The following PLD5 variants were observed in gnomAD, a reference collection of about 807,000 sequenced individuals.
PLD5 encodes inactive phospholipase D5.
A neutral mutation model predicts 61.1 loss-of-function variants in PLD5; 36 were observed. The ratio of observed to expected loss-of-function variants is 0.59; its 90% CI spans 0.45 to 0.78. The LOEUF is 0.78. Ranked by LOEUF, PLD5 falls within the 30% of genes least tolerant of loss-of-function variation. PLD5 has a pLI of 0.00. For missense variants in PLD5, 515 were observed against 644.4 expected (o/e 0.80, Z 2.17); for synonymous variants, 243 against 242.8 (o/e 1.00, Z -0.01).
chr1:242,484,124 A>G (rs1374655935), intron 1 of PLD5, among the ~76,000 whole-genome samples: 1 of 152,232 alleles, frequency 6.6e-6, no homozygotes, highest in African/African-American at 2.4e-5. Flanking sequence ...TCCAAAATTG[A>G]CACCCTAACA....
intron 1 of PLD5, among the ~76,000 whole-genome samples, chr1:242,462,006 C>T (rs2102938291): frequency 6.6e-6 from 1 of 152,274 alleles, no homozygotes; most frequent in South Asian, 2.1e-4. Flanking sequence ...AATATCTTCT[C>T]CTATCATACA....
At chr1:242,277,753 C>G (rs1161705109) in intron 3 of PLD5, among the ~76,000 whole-genome samples, 1 of 151,204 alleles carries the variant, frequency 6.6e-6, no homozygotes, top group Non-Finnish European at 1.5e-5. Flanking sequence ...GAGGCCGACG[C>G]GGAAGGATCA....
chr1:242,135,729 C>T lies in PLD5; in HGVS notation c.736-11064G>A, dbSNP rs144373789. ...GATTGAATCTCAGTTCATATTGTAACTTGGTCCTCCTTATCTCCATCATGA... is the reference window on the plus strand; with the variant it reads ...GATTGAATCTCAGTTCATATTGTAATTTGGTCCTCCTTATCTCCATCATGA... On this transcript the variant is annotated intron_variant, in intron 5 of 9. Coordinates refer to ENST00000536534, the MANE Select transcript of PLD5 (RefSeq NM_001372062.1). Among the ~76,000 whole-genome samples the T allele has an allele frequency of 3.2e-3, 484 of 152,254 alleles. 2 individuals are homozygous for T. Among genetic ancestry groups the T allele is most frequent in the African/African-American group, 0.011 (447 of 41,558 alleles).
chr1:242,177,927 GCT>G (rs1468388138), intron 5 of PLD5: 4 of 152,216 alleles, frequency 2.6e-5, no homozygotes, highest in Non-Finnish European at 5.9e-5. Flanking sequence ...AAAGATTCAG[GCT>G]CTGACACTGG....
chr1:242,281,573 T>TAAATG (rs1674720799), intron 3 of PLD5, among the ~76,000 whole-genome samples: 1 of 152,220 alleles, frequency 6.6e-6, no homozygotes, highest in Non-Finnish European at 1.5e-5. Context: ...TATTTTCCAT[T>TAAATG]AAATGATAGT....
At chr1:242,512,875 T>TC (rs1491252264) in intron 1 of PLD5, among the ~76,000 whole-genome samples, 1 of 139,262 alleles carries the variant, frequency 7.2e-6, no homozygotes. Context: ...TTTTATTTTT[T>TC]CTTTTTTTTT....
intron 1 of PLD5, among the ~76,000 whole-genome samples, chr1:242,480,326 C>G (rs7531009): frequency 0.12 from 18,407 of 152,022 alleles, 2,038 homozygotes; most frequent in African/African-American, 0.29. Flanking sequence ...AAGAAATAAA[C>G]TTTAAACCCT....
At chr1:242,433,024 CCT>C in intron 1 of PLD5, among the ~76,000 whole-genome samples, 1 of 152,150 alleles carries the variant, frequency 6.6e-6, no homozygotes, top group African/African-American at 2.4e-5. Context: ...AAATGTCAAC[CCT>C]GTTTTCTTAT....
intron 1 of PLD5, among the ~76,000 whole-genome samples, chr1:242,351,891 G>A (rs558235396): frequency 1.6e-4 from 24 of 152,210 alleles, no homozygotes; most frequent in South Asian, 2.1e-4. Flanking sequence ...TTGTGTATTC[G>A]TCTTGCCATT....
chr1:242,190,349 T>C (rs1288989134), intron 5 of PLD5, among the ~76,000 whole-genome samples: 2 of 151,450 alleles, frequency 1.3e-5, no homozygotes, highest in Non-Finnish European at 2.9e-5. Context: ...GGTTTCACCA[T>C]GTTAGCCAGG....
intron 5 of PLD5, among the ~76,000 whole-genome samples, chr1:242,140,015 C>T (rs1287792184): frequency 1.3e-5 from 2 of 152,196 alleles, no homozygotes; most frequent in African/African-American, 4.8e-5. Context: ...GGTCTTTTCT[C>T]GCCTTCCTGG....
intron 4 of PLD5, among the ~76,000 whole-genome samples, chr1:242,255,286 T>G (rs1389187368): frequency 6.6e-6 from 1 of 152,188 alleles, no homozygotes; most frequent in Non-Finnish European, 1.5e-5. Flanking sequence ...CAAATTATAC[T>G]TATAAGGCTT....
In PLD5 at chr1:242,207,972, A is replaced by ATT. The variant is rs1235410449; in HGVS notation, c.735+12014_735+12015dup. ...TATTTATTTATATATATTTATATAT[A>ATT]TTTTTATATATATATTTATACACAC... On this transcript the variant is annotated intron_variant, in intron 5 of 9. Coordinates refer to ENST00000536534, the MANE Select transcript of PLD5 (RefSeq NM_001372062.1). Among the ~76,000 whole-genome samples the ATT allele has an allele frequency of 9.4e-4, 70 of 74,686 alleles. 7 individuals carry two copies. The highest frequency in any genetic ancestry group is 5.5e-3 in the South Asian group (13 of 2,360). 49.0% of individuals were successfully genotyped at this position (74,686 alleles called of 152,430 possible).
chr1:242,137,574 G>A (rs1663835568), intron 5 of PLD5, among the ~76,000 whole-genome samples: 1 of 152,114 alleles, frequency 6.6e-6, no homozygotes, highest in Non-Finnish European at 1.5e-5. Context: ...CAGCAATCTT[G>A]TAGGGGGAAA....
chr1:242,473,762 G>A (rs990236257), intron 1 of PLD5, among the ~76,000 whole-genome samples: 3 of 152,280 alleles, frequency 2.0e-5, no homozygotes, highest in Admixed American at 6.5e-5. Flanking sequence ...GGTTGCTTGT[G>A]TGCATTAAAA....
intron 2 of PLD5, among the ~76,000 whole-genome samples, chr1:242,340,992 T>C (rs1351646120): frequency 6.6e-6 from 1 of 152,048 alleles, no homozygotes; most frequent in Non-Finnish European, 1.5e-5. Context: ...CCATAGAACT[T>C]AGATTCTGGT....
At chr1:242,156,158 G>T (rs1465378306) in intron 5 of PLD5, among the ~76,000 whole-genome samples, 1 of 151,598 alleles carries the variant, frequency 6.6e-6, no homozygotes, top group East Asian at 2.0e-4. Context: ...TTTTATTAGA[G>T]ATTAGGATTG....
intron 1 of PLD5, among the ~76,000 whole-genome samples, chr1:242,523,639 G>C (rs940930674): frequency 3.9e-5 from 6 of 152,196 alleles, no homozygotes; most frequent in African/African-American, 1.4e-4. Context: ...GGTCGCTAGC[G>C]GCGCCAACTT....
chr1:242,467,698 A>G (rs1367830399), intron 1 of PLD5, among the ~76,000 whole-genome samples: 4 of 152,226 alleles, frequency 2.6e-5, no homozygotes, highest in Non-Finnish European at 5.9e-5. Flanking sequence ...CGGCGTTCCT[A>G]AGACACAATC....
Sources: gnomAD v4.1 joint callset for allele counts (sites outside exome capture counted in the v4.1 genomes callset) on GRCh38, gnomAD v4.1.1 for gene constraint, MANE v1.5 for transcripts, NCBI Gene and HGNC (gene_info 2026-07-23, HGNC 2026-07-21) for gene names.